The following IRGM variants were observed in gnomAD, a reference collection of about 807,000 sequenced individuals.
The protein encoded by IRGM is immunity related GTPase M.
For synonymous variants in IRGM, 98 were observed against 80.6 expected (o/e 1.22, Z -1.16); for missense variants, 288 against 219.9 (o/e 1.31, Z -1.96).
intron 1 of IRGM, among the ~76,000 whole-genome samples, chr5:150,862,276 G>T (rs141502341): frequency 6.6e-6 from 1 of 152,170 alleles, no homozygotes; most frequent in Admixed American, 6.5e-5. Context: ...TAAGACACAG[G>T]ATATAATCTT....
intron 3 of IRGM, among the ~76,000 whole-genome samples, chr5:150,880,565 T>C (rs1754429466): frequency 6.6e-6 from 1 of 152,104 alleles, no homozygotes; most frequent in South Asian, 2.1e-4. Context: ...CAGCCTCCTG[T>C]CCTCCTAGGT....
chr5:150,896,743 G>A, intron 3 of IRGM: 1 of 1,613,626 alleles, frequency 6.2e-7, no homozygotes, highest in Non-Finnish European at 8.5e-7. Flanking sequence ...TTCCCCAGTG[G>A]ATTATATTTA....
intron 1 of IRGM, among the ~76,000 whole-genome samples, chr5:150,861,350 T>C (rs1381224960): frequency 3.3e-5 from 5 of 152,154 alleles, no homozygotes; most frequent in Non-Finnish European, 7.4e-5. Flanking sequence ...GGCTGGATCC[T>C]AGGAGTGCAA....
chr5:150,847,048 G>T lies in IRGM; in HGVS notation c.-588G>T, dbSNP rs891045688. On this transcript the variant is annotated 5_prime_UTR_variant, in exon 1 of 2. Transcript: ENST00000522154. ...AATGATAAGCAATTGTCTAATCACT[G>T]CCTTGAAAAAGAGCAGAGCATTTGA... The T allele has an allele frequency of 3.9e-5, 6 of 152,344 alleles. No individual in the cohort carries two copies. Among genetic ancestry groups the T allele is most frequent in the African/African-American group, 7.2e-5 (3 of 41,448 alleles). The allele number at this position is 152,344 out of a possible 1,614,324, so 9.4% of individuals were successfully genotyped here.
At chr5:150,881,319 G>A (rs1343849190) in intron 3 of IRGM, among the ~76,000 whole-genome samples, 2 of 151,996 alleles carry the variant, frequency 1.3e-5, no homozygotes, top group Non-Finnish European at 2.9e-5. Flanking sequence ...GAAAGAGTGG[G>A]ATGATATATT....
chr5:150,865,768 T>G (rs1754199347), intron 1 of IRGM, among the ~76,000 whole-genome samples: 1 of 152,194 alleles, frequency 6.6e-6, no homozygotes, highest in African/African-American at 2.4e-5. Flanking sequence ...AGATGACTTT[T>G]TTTTTTGAGA....
At chr5:150,859,582 T>C (rs1754107194) in intron 1 of IRGM, among the ~76,000 whole-genome samples, 1 of 152,208 alleles carries the variant, frequency 6.6e-6, no homozygotes, top group African/African-American at 2.4e-5. Flanking sequence ...TGGTAAGCTA[T>C]TGATTATTGC....
At chr5:150,860,499 C>T (rs1311988401) in intron 1 of IRGM, among the ~76,000 whole-genome samples, 2 of 152,202 alleles carry the variant, frequency 1.3e-5, no homozygotes, top group Non-Finnish European at 2.9e-5. Flanking sequence ...TACTTGATTG[C>T]AATGCCCATG....
intron 1 of IRGM, among the ~76,000 whole-genome samples, chr5:150,860,838 C>A (rs1754126316): frequency 6.6e-6 from 1 of 152,214 alleles, no homozygotes; most frequent in Non-Finnish European, 1.5e-5. Context: ...TAACTTAGTT[C>A]TCCCTCTCTG....
intron 1 of IRGM, among the ~76,000 whole-genome samples, chr5:150,876,608 G>A (rs889172159): frequency 6.6e-6 from 1 of 152,142 alleles, no homozygotes; most frequent in African/African-American, 2.4e-5. Context: ...GAATACAGGA[G>A]TTAGGGCATC....
chr5:150,857,717 T>A (rs1754078170), intron 1 of IRGM, among the ~76,000 whole-genome samples: 1 of 152,236 alleles, frequency 6.6e-6, no homozygotes, highest in South Asian at 2.1e-4. Flanking sequence ...TTTGGCTGCA[T>A]AAATGTCTTC....
chr5:150,849,077 A>T (rs1753933500), downstream of IRGM, among the ~76,000 whole-genome samples: 1 of 151,914 alleles, frequency 6.6e-6, no homozygotes, highest in African/African-American at 2.4e-5. Context: ...GGTCGGGAGG[A>T]GCCCTCTCCA....
chr5:150,862,492 G>T (rs1754150454), intron 1 of IRGM, among the ~76,000 whole-genome samples: 1 of 152,178 alleles, frequency 6.6e-6, no homozygotes, highest in African/African-American at 2.4e-5. Context: ...ATACATTTCA[G>T]ACCTGACCAT....
intron 3 of IRGM, among the ~76,000 whole-genome samples, chr5:150,885,691 T>G (rs1022551705): frequency 6.6e-6 from 1 of 152,138 alleles, no homozygotes. Flanking sequence ...TGAAAGGGAT[T>G]GCCTTCCTGA....
chr5:150,891,417 A>T (rs1300122953), intron 3 of IRGM, among the ~76,000 whole-genome samples: 1 of 152,032 alleles, frequency 6.6e-6, no homozygotes, highest in African/African-American at 2.4e-5. Context: ...TAGATCATTT[A>T]TGTTTAATCT....
At chr5:150,876,359 C>T (rs1754362360) in intron 1 of IRGM, among the ~76,000 whole-genome samples, 2 of 152,152 alleles carry the variant, frequency 1.3e-5, no homozygotes, top group Admixed American at 1.3e-4. Flanking sequence ...GTTTCCTGTT[C>T]CCATGACATT....
At position 150,846,977 on chromosome 5, in the gene IRGM, T is replaced by A. The variant is rs1422682512; in HGVS notation, c.-659T>A. 6.6e-6 allele frequency: 1 copy of A among 152,418 alleles called. No individual in the cohort carries two copies. 9.4% of individuals were successfully genotyped at this position (152,418 alleles called of 1,614,324 possible). ...TCACCTTCTTTTAATCAGTCTCAAA[T>A]ACCTGGCCCCTTGTGGAACCTGCAA... On this transcript the variant is annotated 5_prime_UTR_variant, in exon 1 of 2. Transcript: ENST00000522154.
chr5:150,897,016 C>G (rs748950272), intron 3 of IRGM: 1 of 1,469,928 alleles, frequency 6.8e-7, no homozygotes, highest in East Asian at 2.3e-5. Context: ...TCACAAGAGT[C>G]AATTAAGAGG....
At chr5:150,879,218 C>G (rs1754409812) in intron 2 of IRGM, among the ~76,000 whole-genome samples, 1 of 152,022 alleles carries the variant, frequency 6.6e-6, no homozygotes, top group Non-Finnish European at 1.5e-5. Context: ...GCAGGTTATC[C>G]AAAAATTTAA....
Sources: gnomAD v4.1 joint callset for allele counts (sites outside exome capture counted in the v4.1 genomes callset) on GRCh38, gnomAD v4.1.1 for gene constraint, MANE v1.5 for transcripts, NCBI Gene and HGNC (gene_info 2026-07-23, HGNC 2026-07-21) for gene names.